CPM: variants seen among roughly 807,000 people sequenced by gnomAD.
CPM encodes renal carboxypeptidase.
A neutral mutation model predicts 46.4 loss-of-function variants in CPM; 35 were observed. The observed-to-expected ratio is 0.75, with a 90% CI of 0.58 to 1.00. CPM has a LOEUF of 1.00. Among genes scored for constraint, CPM ranks in the 50% least tolerant of loss-of-function variants. The pLI, the probability that CPM is intolerant of heterozygous loss-of-function variation, is 0.00. For synonymous variants in CPM, 195 were observed against 195.3 expected (o/e 1.00, Z 0.01); for missense variants, 422 against 530.4 (o/e 0.80, Z 2.01).
In CPM at chr12:68,851,813, C is replaced by CT. The variant is rs1268984124; in HGVS notation, c.*4623dup. 6.6e-6 allele frequency: 1 copy of CT among 152,140 alleles called. No homozygotes were observed. The highest frequency in any genetic ancestry group is 1.5e-5 in the Non-Finnish European group (1 of 68,018). The allele number at this position is 152,140 out of a possible 1,614,324, so 9.4% of individuals were successfully genotyped here. On this transcript the variant is annotated 3_prime_UTR_variant, in exon 9 of 9. Transcript: ENST00000551568. ...TCTACTTTAGCTACAGTACTGTGGA[C>CT]TTTCAATGCTCTTTAACTAGTCTGG... is the stretch of plus-strand genomic sequence containing the variant.
intron 1 of CPM, among the ~76,000 whole-genome samples, chr12:68,946,870 A>G (rs1888856636): frequency 6.6e-6 from 1 of 152,254 alleles, no homozygotes; most frequent in South Asian, 2.1e-4. Context: ...TATTTTACTC[A>G]GTTGTTAAAA....
At chr12:68,948,686 G>A (rs1888886450) in intron 1 of CPM, among the ~76,000 whole-genome samples, 1 of 152,178 alleles carries the variant, frequency 6.6e-6, no homozygotes, top group African/African-American at 2.4e-5. Flanking sequence ...TCAATGATTA[G>A]ACTCTCATCA....
chr12:68,883,302 G>A (rs1208142852), intron 3 of CPM, among the ~76,000 whole-genome samples: 2 of 152,176 alleles, frequency 1.3e-5, no homozygotes, highest in African/African-American at 4.8e-5. Context: ...GAAAAAGGGG[G>A]TTGTTATATC....
At chr12:68,889,201 TG>T (rs1886553438) in intron 2 of CPM, among the ~76,000 whole-genome samples, 1 of 152,188 alleles carries the variant, frequency 6.6e-6, no homozygotes, top group South Asian at 2.1e-4. Flanking sequence ...GAGAGGTAGT[TG>T]ATATTTAGGT....
chr12:68,941,154 G>C (rs1224439142), intron 1 of CPM, among the ~76,000 whole-genome samples: 4 of 148,872 alleles, frequency 2.7e-5, no homozygotes, highest in Non-Finnish European at 5.9e-5. Flanking sequence ...GAAGTAATTT[G>C]AAGATGTGCT....
At chr12:68,936,448 A>G (rs144845816), upstream of CPM, among the ~76,000 whole-genome samples, 191 of 152,188 alleles carry the variant, frequency 1.3e-3, 3 homozygotes, top group East Asian at 0.032. Context: ...CAGTGGCACA[A>G]TTTTAGCTCA....
At chr12:68,942,036 A>C (rs1200957468) in intron 1 of CPM, among the ~76,000 whole-genome samples, 2 of 152,238 alleles carry the variant, frequency 1.3e-5, no homozygotes, top group Non-Finnish European at 2.9e-5. Context: ...GATTGAAAGA[A>C]TATGTCTCAA....
intron 2 of CPM, among the ~76,000 whole-genome samples, chr12:68,907,224 C>T (rs904449320): frequency 5.9e-5 from 9 of 152,214 alleles, no homozygotes; most frequent in African/African-American, 2.2e-4. Flanking sequence ...AACCCTGCCT[C>T]ATGAAGGCTC....
intron 1 of CPM, among the ~76,000 whole-genome samples, chr12:68,941,357 A>G (rs776923042): frequency 4.6e-5 from 7 of 152,066 alleles, no homozygotes; most frequent in Non-Finnish European, 7.4e-5. Context: ...AACTTATTTT[A>G]CATTATTTTG....
At chr12:68,899,493 T>G (rs1887026814) in intron 2 of CPM, among the ~76,000 whole-genome samples, 1 of 152,220 alleles carries the variant, frequency 6.6e-6, no homozygotes, top group Non-Finnish European at 1.5e-5. Context: ...ATTTTGACTA[T>G]CTCAATGTTA....
intron 7 of CPM, among the ~76,000 whole-genome samples, chr12:68,861,276 A>G (rs1028621911): frequency 5.9e-5 from 9 of 152,158 alleles, no homozygotes; most frequent in African/African-American, 2.2e-4. Context: ...TCTTAATTCA[A>G]CTTTGTTCCA....
intron 1 of CPM, among the ~76,000 whole-genome samples, chr12:68,955,205 C>A (rs556647631): frequency 1.6e-4 from 25 of 152,338 alleles, no homozygotes; most frequent in Middle Eastern, 3.4e-3. Flanking sequence ...ACAGAGGCTT[C>A]CAGCTGGAAA....
rs1265787120 is a variant in CPM at position 68,854,226 on chromosome 12, C to T, written c.*2211G>A. On this transcript the variant is annotated 3_prime_UTR_variant, in exon 9 of 9. Coordinates refer to ENST00000551568, the MANE Select transcript of CPM (RefSeq NM_198320.5). Reference sequence around the variant, plus strand: ...TAAGACCTAGCTTCATAAAATGACTCAAAGCCCTAGGCAGTTTCTGGGAAG... The same window carrying T: ...TAAGACCTAGCTTCATAAAATGACTTAAAGCCCTAGGCAGTTTCTGGGAAG... 6.6e-6 allele frequency: 1 copy of T among 152,172 alleles called. No homozygotes were observed. The highest frequency in any genetic ancestry group is 6.5e-5 in the Admixed American group (1 of 15,280). 9.4% of individuals were successfully genotyped at this position (152,172 alleles called of 1,614,324 possible). A position where few individuals can be genotyped will look rare whatever the true frequency, so the allele number is the denominator to read the frequency against.
At chr12:68,859,387 C>G (rs1405600013) in intron 7 of CPM, among the ~76,000 whole-genome samples, 1 of 152,114 alleles carries the variant, frequency 6.6e-6, no homozygotes, top group African/African-American at 2.4e-5. Context: ...ACTCAGTCAC[C>G]AAACTGTACT....
chr12:68,842,895 CTT>C (rs1883912177), intron 5 of CPM: 1 of 207,324 alleles, frequency 4.8e-6, no homozygotes, highest in Middle Eastern at 1.6e-3. Flanking sequence ...GTTTTGATCT[CTT>C]TTAATTGTTC....
chr12:68,859,175 C>A, intron 7 of CPM, 104 bp from the exon 8 acceptor site: 1 of 604,430 alleles, frequency 1.7e-6, no homozygotes, highest in African/African-American at 1.9e-5. Context: ...TTAGCTAACT[C>A]AATGTTGTGA....
chr12:68,956,639 C>A (rs1889023620), intron 1 of CPM, among the ~76,000 whole-genome samples: 1 of 152,060 alleles, frequency 6.6e-6, no homozygotes, highest in South Asian at 2.1e-4. Context: ...TCCCCATTTG[C>A]CCAGTAAAAA....
chr12:68,842,249 A>C (rs1883829768), exon 6 of CPM: 1 of 497,746 alleles, frequency 2.0e-6, no homozygotes, highest in African/African-American at 1.9e-5. Flanking sequence ...AAATTCAAGA[A>C]AAAGGACTAC....
chr12:68,856,642 A>G lies in CPM; in HGVS notation c.1127T>C (p.Val376Ala). ...VPGHDPHITK[V>A]IIPEKSQNFS... ...GTTCTGGGATTTCTCCGGAATAATC[A>G]CCTTTGTGATGTGTGGATCATGTCC... The change falls in exon 9 of 9, where the codon GTG becomes GCG. Residue 376 changes from valine to alanine, a missense_variant. Val to Ala is a moderately conservative substitution (Grantham distance 64). Coordinates refer to ENST00000551568, the MANE Select transcript of CPM (RefSeq NM_198320.5). 6.2e-7 allele frequency: 1 copy of G among 1,614,220 alleles called. No individual in the cohort carries two copies. Among genetic ancestry groups the G allele is most frequent in the Non-Finnish European group, 8.5e-7 (1 of 1,180,024 alleles).
Sources: gnomAD v4.1 joint callset for allele counts (sites outside exome capture counted in the v4.1 genomes callset) on GRCh38, gnomAD v4.1.1 for gene constraint, MANE v1.5 for transcripts, NCBI Gene and HGNC (gene_info 2026-07-23, HGNC 2026-07-21) for gene names.